Variants in CDKAL1 observed in about 807,000 individuals in gnomAD.
The protein encoded by CDKAL1 is threonylcarbamoyladenosine tRNA methylthiotransferase.
CDKAL1 carries 32 observed loss-of-function variants against 68.2 expected under a neutral mutation model. That is an observed-to-expected ratio of 0.47 (90% CI 0.35 to 0.63). The LOEUF is 0.63. CDKAL1 is among the 30% of genes least tolerant of loss of function. The pLI is 0.00. For missense variants in CDKAL1, 606 were observed against 696.7 expected, an observed-to-expected ratio of 0.87 and a Z score of 1.47; for synonymous variants, 234 against 244.3, an observed-to-expected ratio of 0.96 and a Z score of 0.39.
In CDKAL1 at chr6:20,694,062, ATGTG is replaced by A. The variant is rs55981799; in HGVS notation, c.371+44713_371+44716del. Among the ~76,000 whole-genome samples, 857 of 128,660 alleles carry A rather than the reference ATGTG, an allele frequency of 6.7e-3. 2 individuals are homozygous for A. Among genetic ancestry groups the A allele is most frequent in the African/African-American group, 8.1e-3 (297 of 36,614 alleles). 84.4% of individuals were successfully genotyped at this position (128,660 alleles called of 152,430 possible). On this transcript the variant is annotated intron_variant, in intron 5 of 15. Transcript: ENST00000274695. Reference sequence around the variant, plus strand: ...TAACTTTGTGTGTGTGTGTGTGTGTATGTGTGTGTGTGTGTGTGTGTGTGTGTGT... The same window carrying A: ...TAACTTTGTGTGTGTGTGTGTGTGTATGTGTGTGTGTGTGTGTGTGTGTGT...
intron 7 of CDKAL1, among the ~76,000 whole-genome samples, chr6:20,778,152 A>G (rs1395911114): frequency 6.6e-6 from 1 of 152,232 alleles, no homozygotes; most frequent in African/African-American, 2.4e-5. Flanking sequence ...CTAGACATAA[A>G]TATAAGAACA....
intron 9 of CDKAL1, among the ~76,000 whole-genome samples, chr6:20,905,615 C>T (rs767492781): frequency 5.9e-5 from 9 of 152,088 alleles, no homozygotes; most frequent in Non-Finnish European, 1.0e-4. Context: ...GTAGGATGAA[C>T]TCAGAGACCC....
intron 7 of CDKAL1, among the ~76,000 whole-genome samples, chr6:20,768,541 T>C (rs1202306461): frequency 1.3e-5 from 2 of 152,104 alleles, no homozygotes; most frequent in African/African-American, 4.8e-5. Context: ...GTACCATGCA[T>C]TTTTGTTTGG....
chr6:21,147,461 A>G (rs1023372061), intron 13 of CDKAL1, among the ~76,000 whole-genome samples: 1 of 152,176 alleles, frequency 6.6e-6, no homozygotes. Context: ...AAAGGCTTAG[A>G]GGTGGAAATA....
At chr6:20,920,293 C>T (rs905790669) in intron 9 of CDKAL1, among the ~76,000 whole-genome samples, 10 of 152,012 alleles carry the variant, frequency 6.6e-5, no homozygotes, top group South Asian at 2.1e-4. Context: ...TGAAAATGTA[C>T]GCCTACAAGT....
chr6:20,936,610 C>A (rs1300730698), intron 9 of CDKAL1, among the ~76,000 whole-genome samples: 2 of 152,004 alleles, frequency 1.3e-5, no homozygotes, highest in African/African-American at 4.8e-5. Flanking sequence ...CAACTACTTA[C>A]TAAATACCAC....
intron 11 of CDKAL1, among the ~76,000 whole-genome samples, chr6:21,052,313 A>T (rs1770583292): frequency 6.6e-6 from 1 of 151,730 alleles, no homozygotes; most frequent in Non-Finnish European, 1.5e-5. Context: ...TAATTCCTTT[A>T]TTCCTGGCCT....
intron 9 of CDKAL1, among the ~76,000 whole-genome samples, chr6:20,940,594 G>T (rs1763922460): frequency 6.6e-6 from 1 of 152,010 alleles, no homozygotes; most frequent in Non-Finnish European, 1.5e-5. Flanking sequence ...TCTCTCTTTT[G>T]CCCAGGCTGG....
intron 5 of CDKAL1, among the ~76,000 whole-genome samples, chr6:20,714,439 A>G (rs1033437943): frequency 4.2e-5 from 5 of 118,120 alleles, no homozygotes; most frequent in Non-Finnish European, 8.0e-5. Flanking sequence ...CCCAGACTGG[A>G]GTGTAGTGGT....
At chr6:21,174,088 AAAG>A (rs1317504406) in intron 13 of CDKAL1, among the ~76,000 whole-genome samples, 2 of 152,198 alleles carry the variant, frequency 1.3e-5, no homozygotes, top group East Asian at 3.8e-4. Flanking sequence ...TCAATTAAAA[AAAG>A]AAAGAAAGAA....
In CDKAL1 at chr6:20,751,240, CTT is replaced by C. The variant is rs567720837; in HGVS notation, c.469-7346_469-7345del. 3.4e-4 allele frequency among the ~76,000 whole-genome samples: 51 copies of C among 148,914 alleles called. 1 individual carries two copies. The highest frequency in any genetic ancestry group is 7.4e-4 in the Admixed American group (11 of 14,924). ...TCTCCGACGGCTTCAAATGAGTGGA[CTT>C]TTTTTTTTAAAGCCTAGTTGGCAAA... On this transcript the variant is annotated intron_variant, in intron 6 of 15. Coordinates refer to ENST00000274695, the MANE Select transcript of CDKAL1 (RefSeq NM_017774.3).
intron 13 of CDKAL1, among the ~76,000 whole-genome samples, chr6:21,166,605 C>T (rs530378451): frequency 4.6e-5 from 7 of 152,288 alleles, no homozygotes; most frequent in Admixed American, 2.0e-4. Context: ...CCAATCCAAT[C>T]TCCTCATCTG....
chr6:20,705,547 G>C (rs1316373008), intron 5 of CDKAL1, among the ~76,000 whole-genome samples: 1 of 152,138 alleles, frequency 6.6e-6, no homozygotes, highest in African/African-American at 2.4e-5. Flanking sequence ...CAAATTAAAT[G>C]TATACCATTC....
At position 20,987,812 on chromosome 6, in the gene CDKAL1, C is replaced by G. The variant is rs952589167; in HGVS notation, c.910-12415C>G. Among the ~76,000 whole-genome samples, 5 of 152,180 alleles carry G rather than the reference C, an allele frequency of 3.3e-5. No homozygotes were observed. The South Asian group carries it at 1.0e-3, about 32-fold the overall frequency. ...TTTATTTTTTTGGGACAGGGTCTTA[C>G]TCTGTTGCCCAGGTTGGAGTGTAGT... On this transcript the variant is annotated intron_variant, in intron 10 of 15. Coordinates refer to ENST00000274695, the MANE Select transcript of CDKAL1 (RefSeq NM_017774.3).
At chr6:20,866,427 A>C (rs1422598295) in intron 9 of CDKAL1, among the ~76,000 whole-genome samples, 1 of 152,218 alleles carries the variant, frequency 6.6e-6, no homozygotes, top group African/African-American at 2.4e-5. Context: ...TATCTGTCAA[A>C]TATCAAATAC....
At chr6:21,146,850 CAAAAAAAA>C (rs1194653980) in intron 13 of CDKAL1, among the ~76,000 whole-genome samples, 1 of 78,260 alleles carries the variant, frequency 1.3e-5, no homozygotes, top group African/African-American at 5.3e-5. Context: ...GACTCCGTCT[CAAAAAAAA>C]AAAAAAAAAA....
chr6:21,025,267 T>G (rs1401925683), intron 11 of CDKAL1, among the ~76,000 whole-genome samples: 1 of 152,186 alleles, frequency 6.6e-6, no homozygotes, highest in Non-Finnish European at 1.5e-5. Flanking sequence ...GCTAAGATAA[T>G]CTTTCATCAG....
chr6:21,230,763 T>A, intron 15 of CDKAL1, 85 bp from the exon 16 acceptor site: 2 of 1,113,026 alleles, frequency 1.8e-6, no homozygotes, highest in Non-Finnish European at 2.5e-6. Context: ...GGCGGCACCT[T>A]CTGGAACCCA....
At chr6:21,156,975 C>A (rs1776678998) in intron 13 of CDKAL1, among the ~76,000 whole-genome samples, 1 of 152,150 alleles carries the variant, frequency 6.6e-6, no homozygotes. Flanking sequence ...AGCATATTTT[C>A]CTTTGACTCT....
Sources: gnomAD v4.1 joint callset for allele counts (sites outside exome capture counted in the v4.1 genomes callset) on GRCh38, gnomAD v4.1.1 for gene constraint, MANE v1.5 for transcripts, NCBI Gene and HGNC (gene_info 2026-07-23, HGNC 2026-07-21) for gene names.